Variants in SAMD3 observed in about 807,000 individuals in gnomAD.
The protein encoded by SAMD3 is sterile alpha motif domain-containing protein 3.
SAMD3 carries 63 observed loss-of-function variants against 58.5 expected under a neutral mutation model. The observed-to-expected ratio is 1.08, with a 90% CI of 0.88 to 1.33. The LOEUF (loss-of-function observed/expected upper bound fraction) is 1.33, where lower values mean the gene tolerates loss of function less well. SAMD3 is among the 40% of genes most tolerant of loss of function. SAMD3 has a pLI of 0.00. For synonymous variants in SAMD3, 220 were observed against 210.3 expected, an observed-to-expected ratio of 1.05 and a Z score of -0.40; for missense variants, 604 against 608.4, an observed-to-expected ratio of 0.99 and a Z score of 0.08.
chr6:130,354,725 A>G (rs1777775915), intron 1 of SAMD3, among the ~76,000 whole-genome samples: 1 of 152,206 alleles, frequency 6.6e-6, no homozygotes, highest in African/African-American at 2.4e-5. Flanking sequence ...ACGGGTGACA[A>G]AATAATCTGT....
intron 2 of SAMD3, among the ~76,000 whole-genome samples, chr6:130,272,785 C>T (rs4461755): frequency 0.12 from 18,343 of 152,102 alleles, 1,526 homozygotes; most frequent in East Asian, 0.36. Flanking sequence ...TTTAAGTGAT[C>T]CTCCCAGCTC....
intron 2 of SAMD3, among the ~76,000 whole-genome samples, chr6:130,303,876 G>A (rs1775828234): frequency 6.6e-6 from 1 of 151,980 alleles, no homozygotes; most frequent in African/African-American, 2.4e-5. Flanking sequence ...TATGTGTGTT[G>A]CAAGTCTATC....
intron 1 of SAMD3, among the ~76,000 whole-genome samples, chr6:130,339,403 T>G (rs1286217470): frequency 2.6e-5 from 4 of 152,184 alleles, no homozygotes; most frequent in African/African-American, 7.2e-5. Context: ...GGGAGGGACC[T>G]GGAAAGAGAT....
intron 1 of SAMD3, among the ~76,000 whole-genome samples, chr6:130,348,723 C>T (rs1342640191): frequency 2.6e-5 from 4 of 152,080 alleles, no homozygotes; most frequent in Admixed American, 6.5e-5. Flanking sequence ...CTGCAGCAAG[C>T]GGACCTAATA....
At chr6:130,164,920 T>C (rs1790590827) in intron 8 of SAMD3, among the ~76,000 whole-genome samples, 1 of 152,120 alleles carries the variant, frequency 6.6e-6, no homozygotes, top group Admixed American at 6.6e-5. Context: ...CTGGGAGGGT[T>C]ACATCAGGAA....
intron 2 of SAMD3, among the ~76,000 whole-genome samples, chr6:130,271,958 T>C (rs1049253337): frequency 5.3e-5 from 8 of 152,166 alleles, no homozygotes; most frequent in Non-Finnish European, 1.2e-4. Context: ...ACTGGGTCCC[T>C]CCCATGACAT....
intron 1 of SAMD3, among the ~76,000 whole-genome samples, chr6:130,357,984 G>A (rs2115043253): frequency 6.6e-6 from 1 of 152,318 alleles, no homozygotes; most frequent in East Asian, 1.9e-4. Flanking sequence ...AGTAGGAAAG[G>A]AAATACTAAA....
chr6:130,228,755 C>G lies in SAMD3; in HGVS notation c.-187-5942G>C, dbSNP rs910732130. Among the ~76,000 whole-genome samples the G allele has an allele frequency of 3.2e-4, 49 of 152,244 alleles. 1 individual carries two copies. The highest frequency in any genetic ancestry group is 3.2e-3 in the Admixed American group (49 of 15,298). Reference sequence around the variant, plus strand: ...CTCAACATGGACCCTGATGGAAGCCCGCATGTGGGAGCTGTAAGCAGACAG... The same window carrying G: ...CTCAACATGGACCCTGATGGAAGCCGGCATGTGGGAGCTGTAAGCAGACAG... On this transcript the variant is annotated intron_variant, in intron 2 of 13. Coordinates refer to the SAMD3 transcript ENST00000368134.
At chr6:130,365,317 T>C in exon 1 of SAMD3, 1 of 985,524 alleles carries the variant, frequency 1.0e-6, no homozygotes, top group Non-Finnish European at 1.2e-6. Flanking sequence ...CAGTTCCCTC[T>C]GTCTTCCATT....
intron 1 of SAMD3, among the ~76,000 whole-genome samples, chr6:130,361,117 C>G (rs12192053): frequency 0.18 from 26,965 of 151,724 alleles, 2,632 homozygotes; most frequent in East Asian, 0.36. Flanking sequence ...CCTCAGCTTA[C>G]GAGATGACAG....
At chr6:130,257,024 G>A (rs1346980531) in intron 2 of SAMD3, among the ~76,000 whole-genome samples, 1 of 152,114 alleles carries the variant, frequency 6.6e-6, no homozygotes, top group Non-Finnish European at 1.5e-5. Context: ...AATATGTAGA[G>A]GCCTTAACCC....
chr6:130,146,997 C>G (rs73606487), intron 9 of SAMD3, among the ~76,000 whole-genome samples: 82 of 152,154 alleles, frequency 5.4e-4, no homozygotes, highest in African/African-American at 1.8e-3. Context: ...GAAAAAGAAA[C>G]AATGTATGTG....
chr6:130,209,004 T>C (rs1795313108), intron 5 of SAMD3, among the ~76,000 whole-genome samples: 1 of 152,164 alleles, frequency 6.6e-6, no homozygotes, highest in Non-Finnish European at 1.5e-5. Flanking sequence ...ATCCATATAT[T>C]GAAATATACA....
chr6:130,183,293 CG>C (rs111825272), intron 7 of SAMD3: 153 of 432,582 alleles, frequency 3.5e-4, no homozygotes, highest in African/African-American at 2.5e-3. Context: ...GCTGAGATCG[CG>C]CCACTATACT....
chr6:130,268,310 T>C (rs1237822023), intron 2 of SAMD3, among the ~76,000 whole-genome samples: 1 of 152,236 alleles, frequency 6.6e-6, no homozygotes, highest in Admixed American at 6.5e-5. Context: ...ATCTAAGTGT[T>C]ACTACAAAGG....
rs541369313 is a variant in SAMD3 at position 130,289,387 on chromosome 6, G to A, written c.-188+23591C>T. ...GTTAGCTCTAGAAAATGGCTAGGAGGCAGACTTTTTCCACAACTGTCAATC... is the reference window on the plus strand; with the variant it reads ...GTTAGCTCTAGAAAATGGCTAGGAGACAGACTTTTTCCACAACTGTCAATC... On this transcript the variant is annotated intron_variant, in intron 2 of 13. Coordinates refer to the SAMD3 transcript ENST00000368134. Among the ~76,000 whole-genome samples, 3 of 152,244 alleles carry A rather than the reference G, an allele frequency of 2.0e-5. No homozygotes were observed. The East Asian group carries it at 5.8e-4, about 29-fold the overall frequency.
chr6:130,217,869 C>T (rs1796077712), intron 1 of SAMD3, among the ~76,000 whole-genome samples: 1 of 152,202 alleles, frequency 6.6e-6, no homozygotes, highest in African/African-American at 2.4e-5. Flanking sequence ...GGATCAATAC[C>T]TCATTCTGCC....
At chr6:130,351,163 T>C (rs1777649002) in intron 1 of SAMD3, among the ~76,000 whole-genome samples, 1 of 152,140 alleles carries the variant, frequency 6.6e-6, no homozygotes, top group South Asian at 2.1e-4. Context: ...GACATAGGCA[T>C]GGACAAAGAC....
chr6:130,158,617 G>A (rs1162703796), intron 8 of SAMD3, among the ~76,000 whole-genome samples: 1 of 152,202 alleles, frequency 6.6e-6, no homozygotes, highest in East Asian at 1.9e-4. Context: ...TACCAGTGGA[G>A]GGCCTTGACT....
Sources: gnomAD v4.1 joint callset for allele counts (sites outside exome capture counted in the v4.1 genomes callset) on GRCh38, gnomAD v4.1.1 for gene constraint, MANE v1.5 for transcripts, NCBI Gene and HGNC (gene_info 2026-07-23, HGNC 2026-07-21) for gene names.